Variants in CYSLTR1 observed in about 807,000 individuals in gnomAD.
The protein encoded by CYSLTR1 is G-protein coupled receptor HG55.
CYSLTR1 carries 1 observed loss-of-function variant against 2.1 expected under a neutral mutation model. The ratio of observed to expected loss-of-function variants is 0.48; its 90% confidence interval spans 0.17 to 2.28. The LOEUF (loss-of-function observed/expected upper bound fraction) is 2.28, where lower values mean the gene tolerates loss of function less well. Ranked by LOEUF, CYSLTR1 falls within the 30% of genes most tolerant of loss-of-function variation. CYSLTR1 has a pLI of 0.26. For missense variants in CYSLTR1, 299 were observed against 250.1 expected (o/e 1.20, Z -1.32); for synonymous variants, 110 against 89.6 (o/e 1.23, Z -1.28).
chrX:78,277,370 C>A (rs900557452), intron 2 of CYSLTR1, among the ~76,000 whole-genome samples: 15 of 111,758 alleles, frequency 1.3e-4, no homozygotes, highest in Non-Finnish European at 2.3e-4. Context: ...CACCAGATGA[C>A]CCTGCATAAC....
At chrX:78,326,877 C>T (rs1459787915) in intron 1 of CYSLTR1, among the ~76,000 whole-genome samples, 1 of 111,722 alleles carries the variant, frequency 9.0e-6, no homozygotes, top group Non-Finnish European at 1.9e-5. Context: ...GTGAAACTAC[C>T]TTGTGAAAAT....
intron 1 of CYSLTR1, among the ~76,000 whole-genome samples, chrX:78,316,916 G>A (rs1923440494): frequency 1.8e-5 from 2 of 111,560 alleles, no homozygotes; most frequent in African/African-American, 3.3e-5. Context: ...TCTTCTAGAT[G>A]TCGGCTAAGG....
chrX:78,287,543 C>A (rs1024001454), intron 1 of CYSLTR1, among the ~76,000 whole-genome samples: 5 of 111,016 alleles, frequency 4.5e-5, no homozygotes, highest in African/African-American at 1.6e-4. Flanking sequence ...TTACAATGGG[C>A]GAATTTTATG....
intron 1 of CYSLTR1, among the ~76,000 whole-genome samples, chrX:78,293,115 C>A (rs1418998872): frequency 1.8e-5 from 2 of 111,257 alleles, no homozygotes; most frequent in East Asian, 5.6e-4. Flanking sequence ...GTGGCTGGTA[C>A]TGGTTGTTCC....
intron 1 of CYSLTR1, among the ~76,000 whole-genome samples, chrX:78,300,456 A>G (rs1456688359): frequency 8.9e-6 from 1 of 112,672 alleles, no homozygotes; most frequent in Non-Finnish European, 1.9e-5. Context: ...CTTTCCAGAT[A>G]TTTGAGAGCA....
At chrX:78,309,172 G>T (rs1569552429) in intron 1 of CYSLTR1, among the ~76,000 whole-genome samples, 3 of 111,183 alleles carry the variant, frequency 2.7e-5, no homozygotes, top group Non-Finnish European at 3.8e-5. Flanking sequence ...AGAGAGAGAA[G>T]GCGGGAGAGA....
intron 2 of CYSLTR1, among the ~76,000 whole-genome samples, chrX:78,283,123 T>C (rs886312043): frequency 8.9e-6 from 1 of 111,740 alleles, no homozygotes; most frequent in African/African-American, 3.3e-5. Flanking sequence ...TTAATTTGTT[T>C]TTTAGAATTT....
At chrX:78,293,972 C>A (rs1349313959) in intron 1 of CYSLTR1, among the ~76,000 whole-genome samples, 1 of 112,198 alleles carries the variant, frequency 8.9e-6, no homozygotes, top group African/African-American at 3.2e-5. Flanking sequence ...TCTTCTGAAG[C>A]CTTCTTCTCT....
At chrX:78,314,050 G>A (rs1404053812) in intron 1 of CYSLTR1, among the ~76,000 whole-genome samples, 1 of 111,779 alleles carries the variant, frequency 8.9e-6, no homozygotes, top group Non-Finnish European at 1.9e-5. Context: ...CACTTTTGAT[G>A]AGAAAGACCA....
Position 78,272,599 on chromosome X carries a change from G to A in CYSLTR1, c.*134C>T, listed in dbSNP as rs1207277520. ...TCTAATCATGTGGATGCATAAATGA[G>A]ATAGAGTTGTAGGCCCAAATAGTTA... On this transcript the variant is annotated 3_prime_UTR_variant, in exon 3 of 3. Transcript: ENST00000373304. 6 of 590,093 alleles carry A rather than the reference G, an allele frequency of 1.0e-5. 1 individual carries two copies. The East Asian group carries it at 2.3e-4, about 23-fold the overall frequency. The allele number at this position is 590,093 out of a possible 1,213,427, so 48.6% of individuals were successfully genotyped here.
At chrX:78,300,901 A>G (rs1232829242) in intron 1 of CYSLTR1, among the ~76,000 whole-genome samples, 1 of 112,639 alleles carries the variant, frequency 8.9e-6, no homozygotes, top group African/African-American at 3.2e-5. Context: ...AGGCATTTCC[A>G]TACATCCTCT....
intron 1 of CYSLTR1, among the ~76,000 whole-genome samples, chrX:78,292,192 G>A (rs1190641156): frequency 8.9e-6 from 1 of 112,127 alleles, no homozygotes; most frequent in Non-Finnish European, 1.9e-5. Flanking sequence ...TGGTTTCAAA[G>A]AACATCTTTA....
At chrX:78,310,694 A>G (rs1309955077) in intron 1 of CYSLTR1, among the ~76,000 whole-genome samples, 1 of 111,952 alleles carries the variant, frequency 8.9e-6, no homozygotes, top group Non-Finnish European at 1.9e-5. Flanking sequence ...GTATTTGTAG[A>G]AAAGGCTTTA....
In CYSLTR1 at chrX:78,272,913, G is replaced by T. The variant is rs1921338261; in HGVS notation, c.834C>A (p.Val278=). ...TGGATGCAGCCAGAGACAAGGTTAT[G>T]ACCACGGACTTCTGCATTCTAAGGA... ...DSVLRMQKSV[V]ITLSLAASNC... The change falls in exon 3 of 3, where the codon GTC becomes GTA. Residue 278 remains valine, a synonymous_variant. Coordinates refer to ENST00000373304, the MANE Select transcript of CYSLTR1 (RefSeq NM_006639.4). 8.3e-7 allele frequency: 1 copy of T among 1,211,268 alleles called. No homozygotes were observed. The highest frequency in any genetic ancestry group is 1.7e-5 in the African/African-American group (1 of 57,737).
chrX:78,301,005 C>A (rs1922798576), intron 1 of CYSLTR1, among the ~76,000 whole-genome samples: 1 of 112,677 alleles, frequency 8.9e-6, no homozygotes, highest in Non-Finnish European at 1.9e-5. Context: ...TTAGGGCTTG[C>A]ACCCTGTGAA....
Position 78,274,561 on chromosome X carries a change from C to T in CYSLTR1, c.-27-788G>A, listed in dbSNP as rs185202443. The stretch of plus-strand genomic sequence containing the variant: ...CTGAAACTGGATCCCTTCCTTACAC[C>T]TTATATAAAAAGTAATTCAAGATGG... On this transcript the variant is annotated intron_variant, in intron 2 of 2. Transcript: ENST00000373304. 7.5e-4 allele frequency among the ~76,000 whole-genome samples: 84 copies of T among 111,547 alleles called. 2 individuals are homozygous for T. In the East Asian group the frequency reaches 0.021, roughly 28 times the overall value.
intron 1 of CYSLTR1, among the ~76,000 whole-genome samples, chrX:78,290,393 T>G (rs1922270691): frequency 8.9e-6 from 1 of 111,786 alleles, no homozygotes; most frequent in Non-Finnish European, 1.9e-5. Flanking sequence ...AGTCAGGTAG[T>G]GTGATGCCTC....
chrX:78,289,374 A>G (rs1054043408), intron 1 of CYSLTR1, among the ~76,000 whole-genome samples: 18 of 112,039 alleles, frequency 1.6e-4, no homozygotes, highest in Non-Finnish European at 3.0e-4. Flanking sequence ...TGATGGACAT[A>G]TGGGTTGGTT....
At chrX:78,288,707 C>G (rs1922178665) in intron 1 of CYSLTR1, among the ~76,000 whole-genome samples, 1 of 111,786 alleles carries the variant, frequency 8.9e-6, no homozygotes, top group African/African-American at 3.3e-5. Flanking sequence ...CTTTGTGTTA[C>G]AAACAATCCA....
Sources: gnomAD v4.1 joint callset for allele counts (sites outside exome capture counted in the v4.1 genomes callset) on GRCh38, gnomAD v4.1.1 for gene constraint, MANE v1.5 for transcripts, NCBI Gene and HGNC (gene_info 2026-07-23, HGNC 2026-07-21) for gene names.